Variants in IL1RAPL1 observed in about 807,000 individuals in gnomAD.
IL1RAPL1 encodes interleukin 1 receptor accessory protein like 1.
IL1RAPL1 carries 3 observed loss-of-function variants against 48.4 expected under a neutral mutation model. The observed-to-expected ratio is 0.06, with a 90% CI of 0.03 to 0.16. IL1RAPL1 has a LOEUF of 0.16. Among genes scored for constraint, IL1RAPL1 ranks in the 10% least tolerant of loss-of-function variants. IL1RAPL1 has a pLI of 1.00. For missense variants in IL1RAPL1, 349 were observed against 530.6 expected (o/e 0.66, Z 3.36); for synonymous variants, 185 against 187.7 (o/e 0.99, Z 0.12).
intron 2 of IL1RAPL1, among the ~76,000 whole-genome samples, chrX:28,853,522 T>A (rs1276494071): frequency 1.8e-5 from 2 of 110,562 alleles, no homozygotes; most frequent in East Asian, 5.8e-4. Flanking sequence ...CTCTCACTCA[T>A]GCTTCTAACA....
At chrX:29,911,062 C>G (rs1212376573) in intron 6 of IL1RAPL1, among the ~76,000 whole-genome samples, 1 of 111,660 alleles carries the variant, frequency 9.0e-6, no homozygotes, top group Non-Finnish European at 1.9e-5. Flanking sequence ...CACACAAAAA[C>G]TTAGCAGCAG....
chrX:29,391,106 G>A (rs1933847974), intron 3 of IL1RAPL1, among the ~76,000 whole-genome samples: 1 of 109,750 alleles, frequency 9.1e-6, no homozygotes, highest in African/African-American at 3.3e-5. Flanking sequence ...CCCGGGAGGT[G>A]GAGGTTTCAG....
At chrX:28,899,987 T>G (rs1569196102) in intron 2 of IL1RAPL1, among the ~76,000 whole-genome samples, 1 of 112,239 alleles carries the variant, frequency 8.9e-6, no homozygotes, top group East Asian at 2.8e-4. Context: ...ACTGACCAAT[T>G]CTGGGCAGAG....
At chrX:29,368,813 C>T (rs1933504813) in intron 3 of IL1RAPL1, among the ~76,000 whole-genome samples, 1 of 109,219 alleles carries the variant, frequency 9.2e-6, no homozygotes, top group Admixed American at 9.9e-5. Flanking sequence ...GTTGATATGC[C>T]ACTCCTCATT....
intron 2 of IL1RAPL1, among the ~76,000 whole-genome samples, chrX:28,847,782 A>G (rs1921550476): frequency 9.0e-6 from 1 of 111,619 alleles, no homozygotes; most frequent in Non-Finnish European, 1.9e-5. Context: ...TTCTCTAGCC[A>G]CCTGATTAAA....
At chrX:28,917,940 A>G (rs1457739702) in intron 2 of IL1RAPL1, among the ~76,000 whole-genome samples, 2 of 112,122 alleles carry the variant, frequency 1.8e-5, no homozygotes, top group Admixed American at 9.5e-5. Flanking sequence ...ATGATGTCCA[A>G]TTAAATGTAT....
In IL1RAPL1 at chrX:29,364,577, A is replaced by G. The variant is rs890621699; in HGVS notation, c.363-31681A>G. ...GACTCTATCTCAAAAAAAAAAAAAA[A>G]AAAAAAGAAAAAATATTTGGAAAAA... is the stretch of plus-strand genomic sequence containing the variant. On this transcript the variant is annotated intron_variant, in intron 3 of 10. Transcript: ENST00000378993. 1.5e-4 allele frequency among the ~76,000 whole-genome samples: 16 copies of G among 108,844 alleles called. No homozygotes were observed. In the South Asian group the frequency reaches 5.6e-3, roughly 38 times the overall value. The allele number at this position is 108,844 out of a possible 115,157, so 94.5% of individuals were successfully genotyped here.
intron 3 of IL1RAPL1, among the ~76,000 whole-genome samples, chrX:29,327,062 T>G (rs12008495): frequency 0.047 from 5,214 of 111,160 alleles, 299 homozygotes; most frequent in African/African-American, 0.16. Context: ...CTCTTGAGAA[T>G]TGCCACACTA....
chrX:28,724,174 G>A lies in IL1RAPL1; in HGVS notation c.-24-65146G>A, dbSNP rs112150488. 4.3e-3 allele frequency among the ~76,000 whole-genome samples: 474 copies of A among 111,435 alleles called. 4 individuals are homozygous for A. The highest frequency in any genetic ancestry group is 0.014 in the African/African-American group (426 of 30,638). On this transcript the variant is annotated intron_variant, in intron 1 of 10. Coordinates refer to ENST00000378993, the MANE Select transcript of IL1RAPL1 (RefSeq NM_014271.4). The stretch of plus-strand genomic sequence containing the variant: ...TATTAACTTTCTGTCTCATTGATCC[G>A]TCTAATGTTGACAGTGCAGCGTTAA...
chrX:28,783,061 C>T (rs924577795), intron 1 of IL1RAPL1, among the ~76,000 whole-genome samples: 3 of 111,278 alleles, frequency 2.7e-5, no homozygotes, highest in African/African-American at 9.8e-5. Context: ...GAGAGTCAAA[C>T]CAACCCTTTC....
At chrX:29,802,624 A>C (rs892308922) in intron 6 of IL1RAPL1, among the ~76,000 whole-genome samples, 1 of 105,203 alleles carries the variant, frequency 9.5e-6, no homozygotes, top group Non-Finnish European at 2.0e-5. Context: ...TAGAACAACA[A>C]AAGGAATTTG....
At chrX:28,703,263 A>G (rs1569154710) in intron 1 of IL1RAPL1, among the ~76,000 whole-genome samples, 1 of 111,587 alleles carries the variant, frequency 9.0e-6, no homozygotes, top group Non-Finnish European at 1.9e-5. Context: ...CATTAAGTTG[A>G]TGTGAATATT....
intron 6 of IL1RAPL1, among the ~76,000 whole-genome samples, chrX:29,669,556 G>A (rs942039751): frequency 1.8e-5 from 2 of 111,398 alleles, no homozygotes; most frequent in African/African-American, 6.5e-5. Context: ...CAAAGTTATA[G>A]TACACAAAGA....
chrX:29,334,319 C>T (rs1205056778), intron 3 of IL1RAPL1, among the ~76,000 whole-genome samples: 7 of 85,652 alleles, frequency 8.2e-5, no homozygotes, highest in Admixed American at 3.4e-4. Flanking sequence ...GCTGGCCGGG[C>T]GGGGGGCTGA....
intron 1 of IL1RAPL1, among the ~76,000 whole-genome samples, chrX:28,657,065 G>A (rs776955583): frequency 9.4e-6 from 1 of 106,350 alleles, no homozygotes; most frequent in Admixed American, 1.0e-4. Context: ...ACCCCTACCA[G>A]ACTATAAATG....
chrX:29,926,259 G>GA (rs1443778855), intron 8 of IL1RAPL1, among the ~76,000 whole-genome samples: 1 of 112,289 alleles, frequency 8.9e-6, no homozygotes, highest in Non-Finnish European at 1.9e-5. Flanking sequence ...ATCATTGTTA[G>GA]AAAAGAAAAG....
intron 2 of IL1RAPL1, among the ~76,000 whole-genome samples, chrX:29,237,571 C>G (rs1247532621): frequency 8.9e-6 from 1 of 112,637 alleles, no homozygotes; most frequent in Non-Finnish European, 1.9e-5. Context: ...ATGTCACCCA[C>G]TTAAGGTAGG....
intron 2 of IL1RAPL1, among the ~76,000 whole-genome samples, chrX:28,883,065 C>T (rs1046514561): frequency 9.0e-6 from 1 of 111,200 alleles, no homozygotes; most frequent in Admixed American, 9.6e-5. Flanking sequence ...TTAAAATAGA[C>T]TCCTATAACT....
chrX:28,994,582 ATGT>A (rs1417587324), intron 2 of IL1RAPL1, among the ~76,000 whole-genome samples: 2 of 111,411 alleles, frequency 1.8e-5, no homozygotes, highest in Admixed American at 9.6e-5. Context: ...TGAATAGCAA[ATGT>A]TGTATCAAAT....
Sources: gnomAD v4.1 joint callset for allele counts (sites outside exome capture counted in the v4.1 genomes callset) on GRCh38, gnomAD v4.1.1 for gene constraint, MANE v1.5 for transcripts, NCBI Gene and HGNC (gene_info 2026-07-23, HGNC 2026-07-21) for gene names.